Variants in EPS15L1 observed in about 807,000 individuals in gnomAD.
EPS15L1 encodes the protein epidermal growth factor receptor pathway substrate 15 like 1.
In EPS15L1, 43 loss-of-function variants were observed where a neutral mutation model predicts 117.1. That is an observed-to-expected ratio of 0.37 (90% confidence interval 0.29 to 0.47). EPS15L1 has a LOEUF of 0.47. EPS15L1 is among the 20% of genes least tolerant of loss of function. The probability of loss-of-function intolerance (pLI) is 0.99; values close to 1 mark genes in which losing one functional copy is unlikely to be tolerated. For missense variants in EPS15L1, 981 were observed against 1,164.0 expected (o/e 0.84, Z 2.29); for synonymous variants, 459 against 470.5 (o/e 0.98, Z 0.32).
chr19:16,437,915 G>T (rs1460776283), intron 4 of EPS15L1, 50 bp from the exon 5 acceptor site: 1 of 1,408,926 alleles, frequency 7.1e-7, no homozygotes, highest in Non-Finnish European at 1.0e-6. Flanking sequence ...GCCAGTGAGG[G>T]TAGGGGGAGC....
chr19:16,393,077 TATA>T (rs149019261), intron 18 of EPS15L1, among the ~76,000 whole-genome samples: 2,293 of 142,498 alleles, frequency 0.016, 30 homozygotes, highest in East Asian at 0.061. Context: ...AGGAGCTGGA[TATA>T]ATAATAATAA....
rs565846783 is a variant in EPS15L1, at chr19:16,471,726, G to A, written c.33+187C>T. 2.6e-5 allele frequency among the ~76,000 whole-genome samples: 4 copies of A among 151,810 alleles called. No individual in the cohort carries two copies. In the South Asian group the frequency reaches 6.2e-4, roughly 24 times the overall value. On this transcript the variant is annotated intron_variant, in intron 1 of 23. Coordinates refer to ENST00000455140, the MANE Select transcript of EPS15L1 (RefSeq NM_001258374.3). The surrounding 1 kb of genome is among the most constrained non-coding windows in gnomAD (Gnocchi z 4.8). Reference sequence around the variant, plus strand: ...CGCCGGTGCCCGCGAGGGTCGCTCGGGCACGGGAGGCCGCGGGTCCCGGCC... The same window carrying A: ...CGCCGGTGCCCGCGAGGGTCGCTCGAGCACGGGAGGCCGCGGGTCCCGGCC...
chr19:16,400,521 G>A lies in EPS15L1; in HGVS notation c.1791+1800C>T, dbSNP rs996838968. The stretch of plus-strand genomic sequence containing the variant: ...TAAAACCCCCAACTTCGACCCACAA[G>A]GGAGAACTAAGACACCTCTCTCTCG... On this transcript the variant is annotated intron_variant, in intron 16 of 23. Transcript: ENST00000455140. The A allele has an allele frequency of 2.8e-5, 14 of 498,806 alleles. No individual in the cohort carries two copies. The East Asian group carries it at 1.4e-3, about 49-fold the overall frequency. 30.9% of individuals were successfully genotyped at this position (498,806 alleles called of 1,614,324 possible).
In EPS15L1 at chr19:16,370,860, T is replaced by TG. The variant is rs1334395694; in HGVS notation, c.2380+6261dup. On this transcript the variant is annotated intron_variant, in intron 22 of 23. Coordinates refer to ENST00000455140, the MANE Select transcript of EPS15L1 (RefSeq NM_001258374.3). This position sits in a 1 kb window ranked among gnomAD's most constrained non-coding sequence, Gnocchi z 5.2. ...CCTTGAACACAGCAGTGCTGGGGGA[T>TG]GGGGGGCGTGGGCAGGAAAGAGGGA... Among the ~76,000 whole-genome samples, 2 of 152,004 alleles carry TG rather than the reference T, an allele frequency of 1.3e-5. No individual in the cohort carries two copies. The highest frequency in any genetic ancestry group is 2.4e-5 in the African/African-American group (1 of 41,380).
rs147407581 is a variant in EPS15L1, at chr19:16,408,821, G to A, written c.1267-4072C>T. ...TAGTGGCATGAGGAGAGGCAGATAG[G>A]TCAATGGGATAGAGCTGAGGGTCCA... On this transcript the variant is annotated intron_variant, in intron 13 of 23. Coordinates refer to ENST00000455140, the MANE Select transcript of EPS15L1 (RefSeq NM_001258374.3). Among the ~76,000 whole-genome samples the A allele has an allele frequency of 1.9e-3, 295 of 152,254 alleles. 10 individuals are homozygous for A. The highest frequency in any genetic ancestry group is 1.3e-3 in the Non-Finnish European group (90 of 68,024).
At position 16,355,798 on chromosome 19, in the gene EPS15L1, C is replaced by T. The variant is rs1439677666; in HGVS notation, c.2640G>A (p.Ala880=). The change falls in exon 24 of 24, where the codon GCG becomes GCA. Residue 880 remains alanine (A), a synonymous_variant. Coordinates refer to ENST00000455140, the MANE Select transcript of EPS15L1 (RefSeq NM_001258374.3). ...GCAGCCGCGCCAGCCTCTCCTGTTC[C>T]GCCTTCTCGCTCTCCCGCTTGGCCC... The part of the protein sequence containing the change: ...LAWAKRESEK[A]EQERLARLRR... 7.2e-6 allele frequency: 11 copies of T among 1,536,016 alleles called. No individual in the cohort carries two copies. Among genetic ancestry groups the T allele is most frequent in the East Asian group, 2.4e-5 (1 of 40,928 alleles).
chr19:16,448,444 C>A (rs978379553), intron 1 of EPS15L1, among the ~76,000 whole-genome samples: 2 of 150,798 alleles, frequency 1.3e-5, no homozygotes, highest in Non-Finnish European at 3.0e-5. Flanking sequence ...GCAGGAGAAT[C>A]GCTTGAACCC....
intron 4 of EPS15L1, among the ~76,000 whole-genome samples, chr19:16,439,419 C>T (rs1383662289): frequency 1.3e-5 from 2 of 152,134 alleles, no homozygotes; most frequent in African/African-American, 4.8e-5. Context: ...AGGCCGGGCA[C>T]GGTGGCTCAT....
chr19:16,359,353 C>T (rs745791788), intron 23 of EPS15L1, among the ~76,000 whole-genome samples: 1 of 152,106 alleles, frequency 6.6e-6, no homozygotes. Flanking sequence ...GCTGAGCCCC[C>T]GAATGCCGTG....
intron 18 of EPS15L1, 96 bp downstream of exon 18, chr19:16,393,855 T>C (rs543609938): frequency 1.6e-6 from 2 of 1,221,072 alleles, no homozygotes; most frequent in Admixed American, 1.7e-5. Flanking sequence ...ATGGCTGCCA[T>C]CCCCGGTGTA....
rs531883113 is a variant in EPS15L1, at chr19:16,405,478, C to A, written c.1267-729G>T. Among the ~76,000 whole-genome samples, 142 of 152,300 alleles carry A rather than the reference C, an allele frequency of 9.3e-4. No individual in the cohort carries two copies. Among genetic ancestry groups the A allele is most frequent in the African/African-American group, 3.3e-3 (138 of 41,572 alleles). On this transcript the variant is annotated intron_variant, in intron 13 of 23. Transcript: ENST00000455140. This position sits in a 1 kb window ranked among gnomAD's most constrained non-coding sequence, Gnocchi z 4.0. ...GATGGTCAGCCCGAGGCTCCAATGCCCCATGATTCCACTTCCAAGAAAAGC... is the reference window on the plus strand; with the variant it reads ...GATGGTCAGCCCGAGGCTCCAATGCACCATGATTCCACTTCCAAGAAAAGC...
chr19:16,442,847 C>A (rs888508051), intron 1 of EPS15L1, among the ~76,000 whole-genome samples: 11 of 152,330 alleles, frequency 7.2e-5, no homozygotes, highest in Non-Finnish European at 4.4e-5. Flanking sequence ...CCTCAGAGCC[C>A]CAAGACATCG....
Position 16,362,599 on chromosome 19 carries a change from T to C in EPS15L1, c.2381-615A>G, listed in dbSNP as rs181725534. Among the ~76,000 whole-genome samples, 230 of 150,778 alleles carry C rather than the reference T, an allele frequency of 1.5e-3. 2 individuals carry two copies. Among genetic ancestry groups the C allele is most frequent in the Admixed American group, 8.5e-3 (128 of 15,112 alleles). On this transcript the variant is annotated intron_variant, in intron 22 of 23. Coordinates refer to ENST00000455140, the MANE Select transcript of EPS15L1 (RefSeq NM_001258374.3). ...AATGCAGTGGTGCAATCATGGCTTA[T>C]TGCGGCCTTGGCCTCCAGGGCTCAA...
rs1027252655 is a variant in EPS15L1, at chr19:16,405,589, G to A, written c.1267-840C>T. On this transcript the variant is annotated intron_variant, in intron 13 of 23. Coordinates refer to ENST00000455140, the MANE Select transcript of EPS15L1 (RefSeq NM_001258374.3). This position sits in a 1 kb window ranked among gnomAD's most constrained non-coding sequence, Gnocchi z 4.0. ...ACAATGCAGATGTCCATGAGGTGCTGGCTGGAAGGTTCCAGCACAGCCCAC... is the reference window on the plus strand; with the variant it reads ...ACAATGCAGATGTCCATGAGGTGCTAGCTGGAAGGTTCCAGCACAGCCCAC... Among the ~76,000 whole-genome samples the A allele has an allele frequency of 6.6e-6, 1 of 152,238 alleles. No individual in the cohort carries two copies. Among genetic ancestry groups the A allele is most frequent in the Non-Finnish European group, 1.5e-5 (1 of 68,046 alleles).
intron 16 of EPS15L1, among the ~76,000 whole-genome samples, chr19:16,400,124 GTCAGGAGT>G (rs2092583851): frequency 6.6e-6 from 1 of 152,102 alleles, no homozygotes; most frequent in African/African-American, 2.4e-5. Context: ...ATTGCCTGAG[GTCAGGAGT>G]TCAAGACCAG....
chr19:16,391,717 C>T (rs945100784), intron 19 of EPS15L1, among the ~76,000 whole-genome samples: 5 of 151,768 alleles, frequency 3.3e-5, no homozygotes, highest in Admixed American at 2.6e-4. Context: ...TCTGCCACGC[C>T]CGGGGATGGG....
Position 16,417,624 on chromosome 19 carries a change from G to A in EPS15L1, c.1121C>T (p.Ser374Phe). Residue 374 changes from serine to phenylalanine, a missense_variant, in exon 12 of 24, where the codon TCT (serine) becomes TTT (phenylalanine). Physicochemically the swap from Ser to Phe is radical, Grantham distance 155. Coordinates refer to ENST00000455140, the MANE Select transcript of EPS15L1 (RefSeq NM_001258374.3). ...RGTPGPDSSG[S>F]LGSGEFTGVK... ...GCCAGTAAACTCCCCGGAGCCGAGA[G>A]AGCCTGAACTGTCCTAGAATTGAAT... 3.1e-6 allele frequency: 5 copies of A among 1,614,178 alleles called. No individual in the cohort carries two copies. The highest frequency in any genetic ancestry group is 3.4e-6 in the Non-Finnish European group (4 of 1,179,986).
At chr19:16,400,487 T>C in intron 16 of EPS15L1, 1 of 205,658 alleles carries the variant, frequency 4.9e-6, no homozygotes, top group Non-Finnish European at 8.6e-6. Context: ...TACACTATTC[T>C]CAGGGACCTA....
chr19:16,460,287 A>G (rs76657124), intron 1 of EPS15L1, among the ~76,000 whole-genome samples: 13,480 of 152,216 alleles, frequency 0.089, 656 homozygotes, highest in Non-Finnish European at 0.11. Context: ...CTAAAAATAA[A>G]AAAAGAACAG....
Sources: gnomAD v4.1 joint callset for allele counts (sites outside exome capture counted in the v4.1 genomes callset) on GRCh38, gnomAD v4.1.1 for gene constraint, Gnocchi (gnomAD v3.1) non-coding constraint, MANE v1.5 for transcripts, NCBI Gene and HGNC (gene_info 2026-07-23, HGNC 2026-07-21) for gene names.